CCDC110: variants seen among roughly 807,000 people sequenced by gnomAD.
The protein encoded by CCDC110 is coiled-coil domain-containing protein 110.
Under a neutral mutation model 77.1 loss-of-function variants are expected in CCDC110, and 70 were observed. The ratio of observed to expected loss-of-function variants is 0.91; its 90% CI spans 0.75 to 1.11. The LOEUF (loss-of-function observed/expected upper bound fraction) is 1.11. Ranked by LOEUF, CCDC110 falls within the 50% of genes least tolerant of loss-of-function variation. The pLI, the probability that CCDC110 is intolerant of heterozygous loss-of-function variation, is 0.00. For missense variants in CCDC110, 868 were observed against 942.9 expected (o/e 0.92, Z 1.04); for synonymous variants, 295 against 312.5 (o/e 0.94, Z 0.59).
chr4:185,462,742 T>C (rs1468639500), intron 3 of CCDC110, 34 bp from the exon 4 acceptor site: 1 of 1,534,792 alleles, frequency 6.5e-7, no homozygotes, highest in Non-Finnish European at 9.0e-7. Flanking sequence ...ATTGAGTATT[T>C]TTAGGTAGGT....
At chr4:185,452,201 G>A (rs189203921) in intron 6 of CCDC110, 23 of 985,246 alleles carry the variant, frequency 2.3e-5, no homozygotes, top group African/African-American at 7.0e-5. Flanking sequence ...TGACACTGGC[G>A]TCCTCTATTG....
Position 185,449,659 on chromosome 4 carries a change from G to A in CCDC110, c.2462-4117C>T, listed in dbSNP as rs961700018. ...CATCCTATTAGCAACTGGAAGACAAGTAGCTTTCTAGATCTTAACTATGAG... is the reference window on the plus strand; with the variant it reads ...CATCCTATTAGCAACTGGAAGACAAATAGCTTTCTAGATCTTAACTATGAG... On this transcript the variant is annotated intron_variant, in intron 6 of 6. Transcript: ENST00000307588. The A allele has an allele frequency of 2.7e-5, 41 of 1,516,542 alleles. 1 individual carries two copies. Among genetic ancestry groups the A allele is most frequent in the Non-Finnish European group, 3.0e-5 (34 of 1,124,590 alleles). The allele number at this position is 1,516,542 out of a possible 1,614,324, so 93.9% of individuals were successfully genotyped here. A position where few individuals can be genotyped will look rare whatever the true frequency, so the allele number is the denominator to read the frequency against.
intron 2 of CCDC110, among the ~76,000 whole-genome samples, chr4:185,464,926 C>G (rs2095652809): frequency 6.6e-6 from 1 of 152,076 alleles, no homozygotes; most frequent in Non-Finnish European, 1.5e-5. Flanking sequence ...AAGATTGAAA[C>G]CTTTATTGTT....
At chr4:185,455,710 C>G (rs558945842) in intron 6 of CCDC110, among the ~76,000 whole-genome samples, 104 of 152,162 alleles carry the variant, frequency 6.8e-4, no homozygotes, top group African/African-American at 2.3e-3. Context: ...TGGTGAAACC[C>G]CGTCTTTACT....
At chr4:185,461,330 G>A (rs1002118981) in intron 4 of CCDC110, among the ~76,000 whole-genome samples, 171 bp from the exon 5 acceptor site, 12 of 152,004 alleles carry the variant, frequency 7.9e-5, no homozygotes, top group Non-Finnish European at 1.2e-4. Context: ...AATCTCTATC[G>A]TTAATCTTTA....
chr4:185,466,101 T>TTG (rs2095655174), intron 2 of CCDC110, among the ~76,000 whole-genome samples: 1 of 152,076 alleles, frequency 6.6e-6, no homozygotes, highest in South Asian at 2.1e-4. Context: ...ATGGGCCGGG[T>TTG]GCAGTGGCTC....
intron 5 of CCDC110, chr4:185,460,816 G>A (rs1037500258): frequency 4.7e-6 from 2 of 421,752 alleles, no homozygotes; most frequent in East Asian, 4.6e-5. Flanking sequence ...AATCTTTCAC[G>A]ATCTGGACTA....
chr4:185,457,244 G>T, intron 6 of CCDC110: 1 of 455,980 alleles, frequency 2.2e-6, no homozygotes, highest in Non-Finnish European at 4.4e-6. Flanking sequence ...AGTGTCTCTG[G>T]AGCACAGAAC....
chr4:185,448,221 G>C (rs531020142), intron 6 of CCDC110, among the ~76,000 whole-genome samples: 3 of 152,078 alleles, frequency 2.0e-5, no homozygotes, highest in East Asian at 1.9e-4. Context: ...GGGTTTTGCC[G>C]TGTTGGTCAG....
chr4:185,446,056 G>A (rs1379658383), intron 6 of CCDC110, among the ~76,000 whole-genome samples: 1 of 151,996 alleles, frequency 6.6e-6, no homozygotes, highest in Non-Finnish European at 1.5e-5. Flanking sequence ...GGTAAGGCTG[G>A]TCTCGAACTC....
intron 6 of CCDC110, among the ~76,000 whole-genome samples, chr4:185,453,543 CTTT>C (rs70962570): frequency 2.3e-5 from 3 of 130,932 alleles, no homozygotes; most frequent in Non-Finnish European, 3.3e-5. Flanking sequence ...CACAGTCTTG[CTTT>C]TTTTTTTTTT....
intron 3 of CCDC110, 72 bp from the exon 4 acceptor site, chr4:185,462,780 T>C (rs1332147529): frequency 3.0e-6 from 4 of 1,349,348 alleles, no homozygotes; most frequent in Non-Finnish European, 4.2e-6. Context: ...GTTATGATTT[T>C]ATGTCTCCCA....
Position 185,445,379 on chromosome 4 carries a change from A to C in CCDC110, c.*123T>G. ...CAAACCATTCTGTGCATAATTTTTAAAGCAAATATATAGCGCCTCATTATG... is the reference window on the plus strand; with the variant it reads ...CAAACCATTCTGTGCATAATTTTTACAGCAAATATATAGCGCCTCATTATG... On this transcript the variant is annotated 3_prime_UTR_variant, in exon 7 of 7. Transcript: ENST00000307588. 1 of 814,802 alleles carries C rather than the reference A, an allele frequency of 1.2e-6. No homozygotes were observed. The highest frequency in any genetic ancestry group is 1.8e-5 in the South Asian group (1 of 55,962). The allele number at this position is 814,802 out of a possible 1,614,324, so 50.5% of individuals were successfully genotyped here. A position where few individuals can be genotyped will look rare whatever the true frequency, so the allele number is the denominator to read the frequency against.
chr4:185,462,974 A>G lies in CCDC110; in HGVS notation c.171+20T>C. ...CTTTACCCAGAATTTTGGAGATGAT[A>G]AAATGGAATATAGACTCACTTTCAA... On this transcript the variant is annotated intron_variant, in intron 3 of 6. Transcript: ENST00000307588. The G allele has an allele frequency of 6.3e-7, 1 of 1,599,054 alleles. No homozygotes were observed. Among genetic ancestry groups the G allele is most frequent in the Non-Finnish European group, 8.6e-7 (1 of 1,166,984 alleles).
At position 185,471,703 on chromosome 4, in the gene CCDC110, C is replaced by T. The variant is rs535494029; in HGVS notation, c.-20G>A. On this transcript the variant is annotated 5_prime_UTR_variant, in exon 1 of 7. Transcript: ENST00000307588. ...GCTCATCGCCGCGGCTCATCTCTCTCGCAACCGCCGCCGCACGCACCCGCT... is the reference window on the plus strand; with the variant it reads ...GCTCATCGCCGCGGCTCATCTCTCTTGCAACCGCCGCCGCACGCACCCGCT... 9 of 1,539,388 alleles carry T rather than the reference C, an allele frequency of 5.8e-6. No homozygotes were observed. In the South Asian group the frequency reaches 1.1e-4, roughly 19 times the overall value.
At chr4:185,452,930 C>T (rs1355406290) in intron 6 of CCDC110, among the ~76,000 whole-genome samples, 1 of 145,722 alleles carries the variant, frequency 6.9e-6, no homozygotes, top group Non-Finnish European at 1.5e-5. Flanking sequence ...CAACCTATTA[C>T]TATTATAGCT....
intron 5 of CCDC110, among the ~76,000 whole-genome samples, chr4:185,460,557 C>A (rs1004665130): frequency 6.6e-6 from 1 of 152,144 alleles, no homozygotes; most frequent in African/African-American, 2.4e-5. Flanking sequence ...AAGATGGAAC[C>A]GATAGGTCAA....
intron 6 of CCDC110, among the ~76,000 whole-genome samples, chr4:185,445,784 A>AT (rs2095608979): frequency 6.6e-6 from 1 of 152,212 alleles, no homozygotes; most frequent in Non-Finnish European, 1.5e-5. Flanking sequence ...AGCAATTATA[A>AT]TACTAACATT....
Position 185,458,680 on chromosome 4 carries a change from G to T in CCDC110, c.1907C>A (p.Thr636Lys). The T allele has an allele frequency of 6.2e-7, 1 of 1,603,636 alleles. No homozygotes were observed. Among genetic ancestry groups the T allele is most frequent in the Non-Finnish European group, 8.5e-7 (1 of 1,177,954 alleles). Residue 636 changes from threonine to lysine, a missense_variant, in exon 6 of 7, where the codon ACA becomes AAA. Transcript: ENST00000307588. Reference protein sequence around the residue: ...EQETLLQIIETVKDEKLNLET... With the variant: ...EQETLLQIIEKVKDEKLNLET... ...AAGGTTGAGTTTTTCATCTTTAACT[G>T]TTTCTATTATTTGAAGAAGTGTCTC...
Sources: allele counts gnomAD v4.1 joint callset (sites outside exome capture counted in the v4.1 genomes callset), GRCh38; gene constraint gnomAD v4.1.1; transcripts MANE v1.5; gene names NCBI Gene and HGNC (gene_info 2026-07-23, HGNC 2026-07-21).